Variants in ALG8 observed in about 807,000 individuals in gnomAD.
ALG8 encodes the protein dolichyl pyrophosphate Glc1Man9GlcNAc2 alpha-1,3-glucosyltransferase.
Under a neutral mutation model 70.2 loss-of-function variants are expected in ALG8, and 48 were observed. That is an observed-to-expected ratio of 0.68 (90% CI 0.54 to 0.87). The LOEUF (loss-of-function observed/expected upper bound fraction) is 0.87, where lower values mean the gene tolerates loss of function less well. Ranked by LOEUF, ALG8 falls within the 40% of genes least tolerant of loss-of-function variation. The pLI, the probability that ALG8 is intolerant of heterozygous loss-of-function variation, is 0.00. For missense variants in ALG8, 572 were observed against 608.7 expected, an observed-to-expected ratio of 0.94 and a Z score of 0.64; for synonymous variants, 234 against 229.0, an observed-to-expected ratio of 1.02 and a Z score of -0.20.
intron 9 of ALG8, among the ~76,000 whole-genome samples, chr11:78,108,136 C>T (rs139393762): frequency 0.013 from 2,024 of 151,762 alleles, 49 homozygotes; most frequent in African/African-American, 0.045. Flanking sequence ...AAAAATTAGC[C>T]GGGCGTGGTG....
chr11:78,128,506 A>G (rs1024852438), intron 1 of ALG8, among the ~76,000 whole-genome samples: 7 of 152,030 alleles, frequency 4.6e-5, no homozygotes, highest in Admixed American at 2.0e-4. Context: ...ATATTCCCCT[A>G]GGTTCAGTTC....
intron 10 of ALG8, among the ~76,000 whole-genome samples, chr11:78,106,401 G>A (rs548440554): frequency 8.5e-5 from 13 of 152,160 alleles, no homozygotes; most frequent in Non-Finnish European, 1.8e-4. Flanking sequence ...GTTTCACCAT[G>A]TTAGCCAGGA....
Position 78,101,114 on chromosome 11 carries a change from T to C in ALG8, c.1431A>G (p.Val477=). The C allele has an allele frequency of 1.9e-6, 3 of 1,614,166 alleles. No individual in the cohort carries two copies. The highest frequency in any genetic ancestry group is 2.5e-6 in the Non-Finnish European group (3 of 1,180,022). Residue 477 remains valine, a synonymous_variant, in exon 13 of 13, where the codon GTA becomes GTG. Coordinates refer to ENST00000299626, the MANE Select transcript of ALG8 (RefSeq NM_024079.5). Reference sequence around the variant, plus strand: ...TCACCTTCCAGGAGGTGAAAGGGAATACAAATTCACAGCAGACTTCCAGAG... The same window carrying C: ...TCACCTTCCAGGAGGTGAAAGGGAACACAAATTCACAGCAGACTTCCAGAG... The part of the protein sequence containing the change: ...LGPLEVCCEF[V]FPFTSWKVKY...
chr11:78,125,039 C>CTT lies in ALG8; in HGVS notation c.175-827_175-826dup, dbSNP rs371256475. ...AGATTTCTCTCTCAGTTTTCTTTTT[C>CTT]TTTTTTTTTTTGAGATGGAGTCTTG... On this transcript the variant is annotated intron_variant, in intron 2 of 12. Transcript: ENST00000299626. Among the ~76,000 whole-genome samples, 570 of 145,166 alleles carry CTT rather than the reference C, an allele frequency of 3.9e-3. 5 individuals carry two copies. The highest frequency in any genetic ancestry group is 0.018 in the Middle Eastern group (5 of 278).
At chr11:78,102,637 A>G (rs1442204779) in intron 12 of ALG8, among the ~76,000 whole-genome samples, 1 of 152,202 alleles carries the variant, frequency 6.6e-6, no homozygotes, top group Non-Finnish European at 1.5e-5. Context: ...GGACACAGTT[A>G]TGAACCATAA....
chr11:78,106,713 T>C, intron 10 of ALG8, 94 bp downstream of exon 10: 2 of 1,548,874 alleles, frequency 1.3e-6, no homozygotes, highest in Non-Finnish European at 1.8e-6. Context: ...TTTTTGCCTA[T>C]CCTGGTGAAC....
intron 4 of ALG8, 43 bp downstream of exon 4, chr11:78,121,022 A>G (rs376537848): frequency 6.8e-7 from 1 of 1,465,644 alleles, no homozygotes; most frequent in Non-Finnish European, 9.6e-7. Flanking sequence ...ATTAGTATAC[A>G]TCAGAATTAG....
In ALG8 at chr11:78,110,452, A is replaced by G. The variant is rs138859840; in HGVS notation, c.899-871T>C. Among the ~76,000 whole-genome samples, 396 of 152,260 alleles carry G rather than the reference A, an allele frequency of 2.6e-3. 2 individuals are homozygous for G. Among genetic ancestry groups the G allele is most frequent in the African/African-American group, 6.9e-3 (287 of 41,548 alleles). On this transcript the variant is annotated intron_variant, in intron 8 of 12. Coordinates refer to ENST00000299626, the MANE Select transcript of ALG8 (RefSeq NM_024079.5). ...GGTGATCCGCCCATCTCAGCCTCCC[A>G]AAGTGCTAGGATTACAGGCCTGAGC... is the stretch of plus-strand genomic sequence containing the variant.
intron 1 of ALG8, among the ~76,000 whole-genome samples, chr11:78,130,248 T>C (rs7943005): frequency 0.22 from 32,891 of 146,222 alleles, 4,439 homozygotes; most frequent in African/African-American, 0.39. Flanking sequence ...ACTCAAGAGG[T>C]TGAGGTGGGA....
At chr11:78,127,991 C>T (rs571264208) in intron 1 of ALG8, among the ~76,000 whole-genome samples, 35 of 152,276 alleles carry the variant, frequency 2.3e-4, no homozygotes, top group African/African-American at 6.7e-4. Flanking sequence ...CGTGAGCCAC[C>T]ACGCCCGGCC....
intron 2 of ALG8, among the ~76,000 whole-genome samples, 187 bp downstream of exon 2, chr11:78,127,171 G>A (rs564468582): frequency 6.6e-6 from 1 of 152,104 alleles, no homozygotes; most frequent in East Asian, 1.9e-4. Context: ...TAGAGACAGG[G>A]TTTCACTGTG....
intron 5 of ALG8, among the ~76,000 whole-genome samples, chr11:78,115,475 C>T (rs1325909497): frequency 5.9e-5 from 9 of 151,950 alleles, no homozygotes; most frequent in East Asian, 1.9e-4. Context: ...CTCCACTTTC[C>T]GGGTTCAAGT....
intron 6 of ALG8, 33 bp from the exon 7 acceptor site, chr11:78,114,022 A>G: frequency 6.5e-7 from 1 of 1,547,648 alleles, no homozygotes; most frequent in Non-Finnish European, 8.8e-7. Context: ...GTAACCAGGA[A>G]GATGGAAAGG....
At chr11:78,104,165 A>C (rs1364866671) in intron 11 of ALG8, 113 bp from the exon 12 acceptor site, 2 of 920,140 alleles carry the variant, frequency 2.2e-6, no homozygotes, top group East Asian at 5.3e-5. Flanking sequence ...AATACTTTTT[A>C]AGTTTAATTT....
chr11:78,108,843 ATTGAG>A (rs774887333), intron 9 of ALG8, among the ~76,000 whole-genome samples: 5 of 152,246 alleles, frequency 3.3e-5, no homozygotes, highest in Non-Finnish European at 5.9e-5. Flanking sequence ...TATCGATAGG[ATTGAG>A]TTGTTTATAT....
intron 7 of ALG8, among the ~76,000 whole-genome samples, chr11:78,113,664 G>A (rs1219058945): frequency 6.7e-6 from 1 of 148,328 alleles, no homozygotes; most frequent in Non-Finnish European, 1.5e-5. Context: ...AGTGAGCCGA[G>A]ATCACGCCAC....
chr11:78,107,983 A>C (rs1217093143), intron 9 of ALG8, among the ~76,000 whole-genome samples: 4 of 151,892 alleles, frequency 2.6e-5, no homozygotes, highest in Non-Finnish European at 2.9e-5. Context: ...TGTCTCTACT[A>C]AAAACTACAA....
chr11:78,137,085 G>A (rs867162604), intron 1 of ALG8, among the ~76,000 whole-genome samples: 8 of 152,086 alleles, frequency 5.3e-5, no homozygotes, highest in Admixed American at 6.6e-5. Context: ...ATTTTTAGTA[G>A]AGACGAGATT....
chr11:78,134,094 T>C (rs1481760879), intron 1 of ALG8, among the ~76,000 whole-genome samples: 1 of 152,004 alleles, frequency 6.6e-6, no homozygotes. Context: ...TGTTGATTGA[T>C]CAGGTTTATG....
Sources: allele counts gnomAD v4.1 joint callset (sites outside exome capture counted in the v4.1 genomes callset), GRCh38; gene constraint gnomAD v4.1.1; transcripts MANE v1.5; gene names NCBI Gene and HGNC (gene_info 2026-07-23, HGNC 2026-07-21).